PRKD1: variants seen among roughly 807,000 people sequenced by gnomAD.
The protein encoded by PRKD1 is protein kinase D1.
In PRKD1, 63 loss-of-function variants were observed where a neutral mutation model predicts 95.9. The observed-to-expected ratio is 0.66, with a 90% CI of 0.54 to 0.81. The LOEUF is 0.81. PRKD1 is among the 30% of genes least tolerant of loss of function. The pLI is 0.00. For synonymous variants in PRKD1, 425 were observed against 423.1 expected (o/e 1.00, Z -0.05); for missense variants, 1,048 against 1,165.3 (o/e 0.90, Z 1.47).
At chr14:29,927,121 C>T (rs952441688) in intron 1 of PRKD1, 128 bp downstream of exon 1, 2 of 1,065,206 alleles carry the variant, frequency 1.9e-6, no homozygotes, top group Non-Finnish European at 2.4e-6. Flanking sequence ...CAGCCGCTTC[C>T]AGAGCGCCGG....
At chr14:29,616,037 A>G (rs1291972590) in intron 13 of PRKD1, among the ~76,000 whole-genome samples, 2 of 152,080 alleles carry the variant, frequency 1.3e-5, no homozygotes, top group Non-Finnish European at 2.9e-5. Context: ...GGCCTAAGAG[A>G]TGACAGGTGA....
chr14:29,898,677 CTGT>C (rs1894215442), intron 1 of PRKD1, among the ~76,000 whole-genome samples: 1 of 152,152 alleles, frequency 6.6e-6, no homozygotes, highest in African/African-American at 2.4e-5. Context: ...ACTGTTACTG[CTGT>C]TCTTGTTGGT....
intron 1 of PRKD1, among the ~76,000 whole-genome samples, chr14:29,736,829 G>C (rs1275767705): frequency 6.6e-6 from 1 of 152,200 alleles, no homozygotes; most frequent in Non-Finnish European, 1.5e-5. Context: ...TGGTTGGCCA[G>C]ACAATGTGCT....
intron 1 of PRKD1, among the ~76,000 whole-genome samples, chr14:29,818,259 C>G (rs377458160): frequency 6.6e-6 from 1 of 152,182 alleles, no homozygotes; most frequent in Non-Finnish European, 1.5e-5. Flanking sequence ...GATGGCAGAA[C>G]AGATGACAAA....
At chr14:29,723,123 T>C (rs1310061699) in intron 2 of PRKD1, among the ~76,000 whole-genome samples, 1 of 152,122 alleles carries the variant, frequency 6.6e-6, no homozygotes, top group Admixed American at 6.6e-5. Flanking sequence ...TGAAGAATCA[T>C]AAATATGTAT....
At chr14:29,699,510 T>C (rs1201574888) in intron 2 of PRKD1, among the ~76,000 whole-genome samples, 1 of 152,208 alleles carries the variant, frequency 6.6e-6, no homozygotes. Flanking sequence ...ATTAATTTAC[T>C]TGTTTTTATT....
At chr14:29,831,218 T>G (rs186849601) in intron 1 of PRKD1, among the ~76,000 whole-genome samples, 1 of 152,184 alleles carries the variant, frequency 6.6e-6, no homozygotes, top group African/African-American at 2.4e-5. Context: ...ATTTTACAGA[T>G]GAGAAAACGG....
At chr14:29,718,199 C>A (rs10149407) in intron 2 of PRKD1, among the ~76,000 whole-genome samples, 1 of 151,964 alleles carries the variant, frequency 6.6e-6, no homozygotes, top group East Asian at 1.9e-4. Flanking sequence ...GTAATCCCCA[C>A]GTGTCGAGGC....
intron 2 of PRKD1, among the ~76,000 whole-genome samples, chr14:29,706,431 C>T (rs1885093728): frequency 1.3e-5 from 2 of 152,178 alleles, no homozygotes; most frequent in South Asian, 4.1e-4. Flanking sequence ...ACACTAACAT[C>T]CATTAAAACA....
intron 1 of PRKD1, among the ~76,000 whole-genome samples, chr14:29,826,684 TACACACATATATATACATATATAC>T (rs1566622320): frequency 4.2e-5 from 2 of 48,124 alleles, no homozygotes; most frequent in Non-Finnish European, 8.9e-5. Context: ...TATATATATA[TACACACATATATATACATATATAC>T]ACATATATAT....
intron 1 of PRKD1, among the ~76,000 whole-genome samples, chr14:29,887,934 G>C (rs1594604659): frequency 6.6e-6 from 1 of 152,302 alleles, no homozygotes; most frequent in South Asian, 2.1e-4. Context: ...GTTGTTAAGA[G>C]ATGCATTACT....
chr14:29,904,309 T>C (rs1894421593), intron 1 of PRKD1, among the ~76,000 whole-genome samples: 1 of 152,196 alleles, frequency 6.6e-6, no homozygotes, highest in South Asian at 2.1e-4. Flanking sequence ...AAAGCTTAAG[T>C]TCCATAAATA....
chr14:29,909,998 T>C (rs1409207253), intron 1 of PRKD1, among the ~76,000 whole-genome samples: 2 of 152,114 alleles, frequency 1.3e-5, no homozygotes, highest in African/African-American at 4.8e-5. Context: ...CTCTGTAAAA[T>C]GGACCAATCA....
chr14:29,863,806 T>C (rs1017292335), intron 1 of PRKD1, among the ~76,000 whole-genome samples: 1 of 152,232 alleles, frequency 6.6e-6, no homozygotes, highest in Middle Eastern at 3.4e-3. Context: ...GAGAACTGTG[T>C]CATGAAATAC....
At chr14:29,644,232 G>A (rs1594389887) in intron 4 of PRKD1, among the ~76,000 whole-genome samples, 1 of 152,132 alleles carries the variant, frequency 6.6e-6, no homozygotes, top group Non-Finnish European at 1.5e-5. Context: ...TTTAAGATGG[G>A]ACACCTGGTT....
intron 1 of PRKD1, among the ~76,000 whole-genome samples, chr14:29,833,541 A>T (rs1891495594): frequency 6.6e-6 from 1 of 152,044 alleles, no homozygotes; most frequent in South Asian, 2.1e-4. Flanking sequence ...ATTACTAACA[A>T]ATCAAAGGCA....
At chr14:29,710,992 A>C (rs921846544) in intron 2 of PRKD1, among the ~76,000 whole-genome samples, 1 of 152,146 alleles carries the variant, frequency 6.6e-6, no homozygotes, top group Non-Finnish European at 1.5e-5. Context: ...TTCAGTCATT[A>C]GAGATGGCAA....
intron 1 of PRKD1, among the ~76,000 whole-genome samples, chr14:29,759,545 T>A (rs955588521): frequency 2.6e-5 from 4 of 152,224 alleles, no homozygotes; most frequent in African/African-American, 7.2e-5. Context: ...AGTAACTACA[T>A]CACTATCCCT....
chr14:29,802,880 T>A (rs1280693193), intron 1 of PRKD1, among the ~76,000 whole-genome samples: 1 of 152,220 alleles, frequency 6.6e-6, no homozygotes. Flanking sequence ...TCTAAGTTAG[T>A]ATACAGGCAC....
Sources: gnomAD v4.1 joint callset for allele counts (sites outside exome capture counted in the v4.1 genomes callset) on GRCh38, gnomAD v4.1.1 for gene constraint, MANE v1.5 for transcripts, NCBI Gene and HGNC (gene_info 2026-07-23, HGNC 2026-07-21) for gene names.